GAB4: variants seen among roughly 807,000 people sequenced by gnomAD.
GAB4 encodes the protein GRB2-associated-binding protein 4.
GAB4 carries 26 observed loss-of-function variants against 51.3 expected under a neutral mutation model. The observed-to-expected ratio is 0.51, with a 90% CI of 0.37 to 0.70. The LOEUF (loss-of-function observed/expected upper bound fraction) is 0.70, where lower values mean the gene tolerates loss of function less well. Ranked by LOEUF, GAB4 falls within the 30% of genes least tolerant of loss-of-function variation. GAB4 has a pLI of 0.00. For missense variants in GAB4, 759 were observed against 734.6 expected (o/e 1.03, Z -0.38); for synonymous variants, 329 against 291.2 (o/e 1.13, Z -1.32).
At chr22:16,998,077 C>T (rs1466255616) in intron 1 of GAB4, among the ~76,000 whole-genome samples, 6 of 152,116 alleles carry the variant, frequency 3.9e-5, no homozygotes, top group Non-Finnish European at 8.8e-5. Context: ...AGTCAGGTAG[C>T]GTGATGCCTC....
At chr22:16,972,246 G>A (rs2123660858) in intron 3 of GAB4, among the ~76,000 whole-genome samples, 1 of 152,352 alleles carries the variant, frequency 6.6e-6, no homozygotes, top group African/African-American at 2.4e-5. Context: ...CAGGTGGGAT[G>A]AGCACACGGC....
chr22:17,007,005 T>TA (rs985360337), intron 1 of GAB4, among the ~76,000 whole-genome samples: 5 of 151,672 alleles, frequency 3.3e-5, no homozygotes. Context: ...TAAAGTATAA[T>TA]AAAAAATTGA....
chr22:16,971,355 C>G (rs2123658577), intron 3 of GAB4, among the ~76,000 whole-genome samples: 1 of 152,326 alleles, frequency 6.6e-6, no homozygotes, highest in South Asian at 2.1e-4. Flanking sequence ...GACCCAGCGT[C>G]ACAGTGATTT....
Position 16,965,392 on chromosome 22 carries a change from C to CG in GAB4, c.1289-125dup, listed in dbSNP as rs2060664509. On this transcript the variant is annotated intron_variant, in intron 6 of 9. Coordinates refer to ENST00000400588, the MANE Select transcript of GAB4 (RefSeq NM_001037814.1). ...TCCACCCAGTCCACCCAGCTGTGTGCGGGGGACTGAGGCTTGGCAAGGCTC... is the reference window on the plus strand; with the variant it reads ...TCCACCCAGTCCACCCAGCTGTGTGCGGGGGGACTGAGGCTTGGCAAGGCTC... The CG allele has an allele frequency of 9.8e-6, 7 of 717,342 alleles. No homozygotes were observed. The South Asian group carries it at 1.1e-4, about 11-fold the overall frequency. The allele number at this position is 717,342 out of a possible 1,614,324, so 44.4% of individuals were successfully genotyped here. A position where few individuals can be genotyped will look rare whatever the true frequency, so the allele number is the denominator to read the frequency against.
At chr22:17,006,806 A>C (rs1359116429) in intron 1 of GAB4, among the ~76,000 whole-genome samples, 1 of 152,192 alleles carries the variant, frequency 6.6e-6, no homozygotes, top group Non-Finnish European at 1.5e-5. Flanking sequence ...CAGCTGAACA[A>C]TGAGAACATA....
At chr22:16,996,493 A>C (rs975511561) in intron 1 of GAB4, among the ~76,000 whole-genome samples, 1 of 152,104 alleles carries the variant, frequency 6.6e-6, no homozygotes, top group Admixed American at 6.5e-5. Flanking sequence ...AGCAACCCCA[A>C]GACACGTAAT....
At chr22:16,973,870 T>C in intron 3 of GAB4, among the ~76,000 whole-genome samples, 1 of 152,248 alleles carries the variant, frequency 6.6e-6, no homozygotes, top group East Asian at 1.9e-4. Flanking sequence ...TCTGGGTCTG[T>C]GTCTCTCTAC....
intron 1 of GAB4, among the ~76,000 whole-genome samples, chr22:16,994,878 G>A (rs550079769): frequency 2.0e-5 from 3 of 152,244 alleles, no homozygotes; most frequent in Admixed American, 6.5e-5. Context: ...AGGGTAAAAC[G>A]TTCAGTATTT....
chr22:17,002,993 C>G (rs1601293574), intron 1 of GAB4, among the ~76,000 whole-genome samples: 1 of 152,108 alleles, frequency 6.6e-6, no homozygotes, highest in East Asian at 1.9e-4. Flanking sequence ...GAATATTTAC[C>G]AAGCAAATGG....
At chr22:16,967,946 T>C (rs575838926) in intron 5 of GAB4, among the ~76,000 whole-genome samples, 7 of 152,166 alleles carry the variant, frequency 4.6e-5, no homozygotes, top group Admixed American at 2.0e-4. Context: ...CTGTCCCCTC[T>C]GCCTACCCAT....
At chr22:17,005,794 A>T (rs1434439403) in intron 1 of GAB4, among the ~76,000 whole-genome samples, 1 of 152,242 alleles carries the variant, frequency 6.6e-6, no homozygotes, top group Non-Finnish European at 1.5e-5. Context: ...CTGGCTAGCC[A>T]TGGGCAGAAA....
At position 16,968,298 on chromosome 22, in the gene GAB4, C is replaced by T. The variant is rs758969194; in HGVS notation, c.1023G>A (p.Leu341=). 3.1e-6 allele frequency: 5 copies of T among 1,612,042 alleles called. No homozygotes were observed. Among genetic ancestry groups the T allele is most frequent in the African/African-American group, 1.3e-5 (1 of 74,834 alleles). ...ESMHEGVCSF[L]PGRTLVGLSD... ...GGACCCCTGGTTAAGCCATACTCAC[C>T]AGGAAAGAACAGACTCCCTCATGCA... Residue 341 remains leucine, a splice_region_variant and synonymous_variant, in exon 5 of 10, where the codon CTG becomes CTA. Transcript: ENST00000400588.
chr22:16,962,819 C>G lies in GAB4; in HGVS notation c.1639G>C (p.Glu547Gln), dbSNP rs1425058383. The G allele has an allele frequency of 7.4e-6, 12 of 1,613,566 alleles. No homozygotes were observed. The highest frequency in any genetic ancestry group is 1.3e-5 in the African/African-American group (1 of 74,914). The change falls in exon 10 of 10, where the codon GAG (glutamate) becomes CAG (glutamine). Residue 547 changes from glutamate (E) to glutamine (Q), a missense_variant. This residue lies in a region of GAB4 where 588 missense variants were observed against 510.2 expected (regional missense o/e 1.15). Coordinates refer to ENST00000400588, the MANE Select transcript of GAB4 (RefSeq NM_001037814.1). ...GTCTTCTGCAGGGCCTGGGTCTTCT[C>G]CAGATCCACCTGGACATAGTCCACC... is the stretch of plus-strand genomic sequence containing the variant. ...KKVDYVQVDLEKTQALQKTMH... is the reference protein window; with the variant it reads ...KKVDYVQVDLQKTQALQKTMH...
At chr22:16,979,188 G>A (rs1460041518) in intron 3 of GAB4, among the ~76,000 whole-genome samples, 1 of 152,168 alleles carries the variant, frequency 6.6e-6, no homozygotes, top group Non-Finnish European at 1.5e-5. Flanking sequence ...AGGGCAATCA[G>A]TCAAGAGAAA....
intron 3 of GAB4, among the ~76,000 whole-genome samples, chr22:16,979,332 T>A (rs2060807800): frequency 6.6e-6 from 1 of 152,190 alleles, no homozygotes; most frequent in Non-Finnish European, 1.5e-5. Flanking sequence ...TTCAGTGAAG[T>A]CTCAGAATAA....
At chr22:17,001,514 T>C (rs2060997396) in intron 1 of GAB4, among the ~76,000 whole-genome samples, 1 of 152,214 alleles carries the variant, frequency 6.6e-6, no homozygotes, top group African/African-American at 2.4e-5. Flanking sequence ...TTCTCTATAC[T>C]GTTTATTCTA....
rs184723438 is a variant in GAB4, at chr22:16,982,196, G to T, written c.686+5764C>A. Among the ~76,000 whole-genome samples the T allele has an allele frequency of 8.5e-4, 130 of 152,190 alleles. No individual in the cohort carries two copies. In the East Asian group the frequency reaches 0.017, roughly 20 times the overall value. On this transcript the variant is annotated intron_variant, in intron 3 of 9. Coordinates refer to ENST00000400588, the MANE Select transcript of GAB4 (RefSeq NM_001037814.1). Reference sequence around the variant, plus strand: ...AAGTCCTAGCCAGAGCAATGAGAAGGGAGAAAGAAAGGGCATCCAAATTGA... The same window carrying T: ...AAGTCCTAGCCAGAGCAATGAGAAGTGAGAAAGAAAGGGCATCCAAATTGA...
intron 1 of GAB4, among the ~76,000 whole-genome samples, chr22:17,001,956 C>T (rs1199778330): frequency 6.6e-6 from 1 of 152,202 alleles, no homozygotes; most frequent in African/African-American, 2.4e-5. Context: ...ATGGGACCCC[C>T]CGAGCCAGGT....
rs1168573035 is a variant in GAB4 at position 16,965,393 on chromosome 22, G to A, written c.1289-125C>T. On this transcript the variant is annotated intron_variant, in intron 6 of 9. Transcript: ENST00000400588. ...CCACCCAGTCCACCCAGCTGTGTGC[G>A]GGGGACTGAGGCTTGGCAAGGCTCT... is the stretch of plus-strand genomic sequence containing the variant. The A allele has an allele frequency of 6.6e-5, 46 of 701,902 alleles. 1 individual carries two copies. The Admixed American group carries it at 7.0e-4, about 11-fold the overall frequency. The allele number at this position is 701,902 out of a possible 1,614,324, so 43.5% of individuals were successfully genotyped here. A position where few individuals can be genotyped will look rare whatever the true frequency, so the allele number is the denominator to read the frequency against.
Sources: gnomAD v4.1 joint callset for allele counts (sites outside exome capture counted in the v4.1 genomes callset) on GRCh38, gnomAD v4.1.1 for gene constraint, gnomAD v4.1.1 regional missense constraint, MANE v1.5 for transcripts, NCBI Gene and HGNC (gene_info 2026-07-23, HGNC 2026-07-21) for gene names.